Variants in SCRN1 observed in about 807,000 individuals in gnomAD.
SCRN1 encodes secernin 1.
In SCRN1, 19 loss-of-function variants were observed where a neutral mutation model predicts 43.3. The observed-to-expected ratio is 0.44, with a 90% confidence interval of 0.31 to 0.64. The LOEUF (loss-of-function observed/expected upper bound fraction) is 0.64, where lower values mean the gene tolerates loss of function less well. Ranked by LOEUF, SCRN1 falls within the 30% of genes least tolerant of loss-of-function variation. The pLI, the probability that SCRN1 is intolerant of heterozygous loss-of-function variation, is 0.09. For missense variants in SCRN1, 447 were observed against 524.1 expected, an observed-to-expected ratio of 0.85 and a Z score of 1.44; for synonymous variants, 183 against 188.9, an observed-to-expected ratio of 0.97 and a Z score of 0.26.
intron 6 of SCRN1, among the ~76,000 whole-genome samples, chr7:29,932,045 G>A (rs1787172143): frequency 6.6e-6 from 1 of 152,166 alleles, no homozygotes; most frequent in Admixed American, 6.5e-5. Flanking sequence ...ATCCATGAAG[G>A]GAGTTTCCAT....
chr7:29,934,994 A>G (rs1403828542), intron 6 of SCRN1, among the ~76,000 whole-genome samples: 1 of 152,104 alleles, frequency 6.6e-6, no homozygotes, highest in Non-Finnish European at 1.5e-5. Flanking sequence ...CCTGCTTTTT[A>G]CCTAAAGAAC....
intron 3 of SCRN1, among the ~76,000 whole-genome samples, chr7:29,954,862 G>A (rs993123481): frequency 2.0e-5 from 3 of 152,086 alleles, no homozygotes; most frequent in African/African-American, 7.2e-5. Flanking sequence ...TGTATTTTTC[G>A]TAGAGACGGG....
At chr7:29,990,175 C>G (rs759125562), upstream of SCRN1, 12 of 1,551,454 alleles carry the variant, frequency 7.7e-6, no homozygotes, top group African/African-American at 1.4e-5. Flanking sequence ...AGAAATGTGT[C>G]CTGTACCTTG....
chr7:29,967,020 A>G (rs1016617623), intron 2 of SCRN1, among the ~76,000 whole-genome samples: 8 of 152,352 alleles, frequency 5.3e-5, no homozygotes, highest in South Asian at 2.1e-4. Flanking sequence ...ATGAATGCCT[A>G]TTTGAAACCA....
intron 2 of SCRN1, among the ~76,000 whole-genome samples, chr7:29,962,001 G>A (rs916367403): frequency 1.3e-5 from 2 of 152,016 alleles, no homozygotes; most frequent in Admixed American, 6.5e-5. Context: ...AGGTGGGTGA[G>A]TGGATGAATG....
chr7:29,976,071 T>C (rs546153140), intron 1 of SCRN1, among the ~76,000 whole-genome samples: 1 of 152,314 alleles, frequency 6.6e-6, no homozygotes. Flanking sequence ...ATTATTCACG[T>C]TGGCAGAGTA....
chr7:29,944,310 C>A, intron 3 of SCRN1, 131 bp from the exon 4 acceptor site: 2 of 736,960 alleles, frequency 2.7e-6, no homozygotes, highest in Non-Finnish European at 2.3e-6. Context: ...GTCTGCAGAA[C>A]AATAAGCAAA....
At chr7:29,946,469 C>G (rs1787742260) in intron 3 of SCRN1, among the ~76,000 whole-genome samples, 1 of 152,348 alleles carries the variant, frequency 6.6e-6, no homozygotes, top group Non-Finnish European at 1.5e-5. Context: ...CCAACTTGCC[C>G]GTGCAAACAT....
chr7:29,969,110 TG>T, intron 1 of SCRN1, 42 bp from the exon 2 acceptor site: 4 of 1,592,434 alleles, frequency 2.5e-6, no homozygotes, highest in Non-Finnish European at 2.6e-6. Flanking sequence ...AGGCCTCACA[TG>T]GAACACTCCA....
intron 2 of SCRN1, among the ~76,000 whole-genome samples, chr7:29,956,760 G>C (rs1788151440): frequency 6.6e-6 from 1 of 152,110 alleles, no homozygotes; most frequent in Non-Finnish European, 1.5e-5. Flanking sequence ...GTTTTCAAGA[G>C]ACTCTTGAAT....
At chr7:29,964,091 T>G in intron 2 of SCRN1, among the ~76,000 whole-genome samples, 1 of 152,214 alleles carries the variant, frequency 6.6e-6, no homozygotes. Context: ...GTGAACCTTT[T>G]AAATATCATT....
intron 2 of SCRN1, among the ~76,000 whole-genome samples, chr7:29,967,502 T>C (rs1205814772): frequency 6.6e-6 from 1 of 151,784 alleles, no homozygotes; most frequent in African/African-American, 2.4e-5. Flanking sequence ...TAGCTGGGAC[T>C]ACAGGCATGT....
Position 29,945,591 on chromosome 7 carries a change from G to A in SCRN1, c.342-1412C>T, listed in dbSNP as rs193089872. 2.0e-5 allele frequency among the ~76,000 whole-genome samples: 3 copies of A among 152,316 alleles called. No individual in the cohort carries two copies. In the South Asian group the frequency reaches 6.2e-4, roughly 32 times the overall value. On this transcript the variant is annotated intron_variant, in intron 3 of 7. Transcript: ENST00000242059. ...ATGCAGTGCTAGTGCTTGTGACCAG[G>A]AAAGTGGTCAGTAAATTTCTGGAGG...
intron 6 of SCRN1, among the ~76,000 whole-genome samples, chr7:29,932,426 G>A (rs2128087444): frequency 6.6e-6 from 1 of 152,130 alleles, no homozygotes; most frequent in Non-Finnish European, 1.5e-5. Flanking sequence ...GCGGAGGCAG[G>A]CAGATCACCT....
chr7:29,989,598 G>T, intron 1 of SCRN1, 44 bp downstream of exon 1: 1 of 985,664 alleles, frequency 1.0e-6, no homozygotes. Context: ...AAACCGCCGG[G>T]AAAGCAGCGC....
chr7:29,979,048 T>C (rs1160062821), intron 1 of SCRN1, among the ~76,000 whole-genome samples: 2 of 152,226 alleles, frequency 1.3e-5, no homozygotes, highest in African/African-American at 2.4e-5. Context: ...TATTTTTATA[T>C]GATGTTTCCC....
Position 29,920,158 on chromosome 7 carries a change from C to T in SCRN1, c.*3799G>A, listed in dbSNP as rs1786705366. ...TGCTTGATGCATTTAGAGACAATTC[C>T]AAGGGCAAGCACTGGATAGGGATAT... On this transcript the variant is annotated 3_prime_UTR_variant, in exon 8 of 8. Coordinates refer to ENST00000242059, the MANE Select transcript of SCRN1 (RefSeq NM_014766.5). 6.6e-6 allele frequency: 1 copy of T among 152,486 alleles called. No homozygotes were observed. 9.4% of individuals were successfully genotyped at this position (152,486 alleles called of 1,614,324 possible).
At chr7:29,981,439 A>G (rs1015382079) in intron 1 of SCRN1, among the ~76,000 whole-genome samples, 2 of 152,250 alleles carry the variant, frequency 1.3e-5, no homozygotes, top group South Asian at 2.1e-4. Flanking sequence ...AACCCAACTT[A>G]GGATATTGAT....
chr7:29,977,511 T>TGTAAAAAATTA (rs1788869251), intron 1 of SCRN1, among the ~76,000 whole-genome samples: 1 of 152,212 alleles, frequency 6.6e-6, no homozygotes, highest in Admixed American at 6.5e-5. Context: ...GGGATGTAAA[T>TGTAAAAAATTA]GCCAGCTGAT....
Sources: gnomAD v4.1 joint callset for allele counts (sites outside exome capture counted in the v4.1 genomes callset) on GRCh38, gnomAD v4.1.1 for gene constraint, MANE v1.5 for transcripts, NCBI Gene and HGNC (gene_info 2026-07-23, HGNC 2026-07-21) for gene names.